The following LMNA variants were observed in gnomAD, a reference collection of about 807,000 sequenced individuals.
LMNA encodes the protein lamin A/C.
LMNA carries 20 observed loss-of-function variants against 70.4 expected under a neutral mutation model. The ratio of observed to expected loss-of-function variants is 0.28; its 90% CI spans 0.20 to 0.41. The LOEUF (loss-of-function observed/expected upper bound fraction) is 0.41, where lower values mean the gene tolerates loss of function less well. LMNA is among the 10% of genes least tolerant of loss of function. The probability of loss-of-function intolerance (pLI) is 1.00; values close to 1 mark genes in which losing one functional copy is unlikely to be tolerated. For missense variants in LMNA, 652 were observed against 917.2 expected (o/e 0.71, Z 3.73); for synonymous variants, 339 against 372.8 (o/e 0.91, Z 1.04).
rs879253920 is a variant in LMNA at position 156,134,973 on chromosome 1, A to C, written c.808A>C (p.Lys270Gln). The change falls in exon 4 of 12, where the codon AAG becomes CAG. Residue 270 changes from lysine to glutamine, a missense_variant and splice_region_variant. Transcript: ENST00000368300. The surrounding 1 kb of genome is among the most constrained non-coding windows in gnomAD (Gnocchi z 5.3). ...GGAGCTGGAGAAGACTTATTCTGCC[A>C]AGGTGCTTGCTCTCGATTGGTTCCC... Reference protein sequence around the residue: ...KKELEKTYSAKLDNARQSAER... With the variant: ...KKELEKTYSAQLDNARQSAER... The C allele has an allele frequency of 1.2e-6, 2 of 1,614,164 alleles. No homozygotes were observed. Among genetic ancestry groups the C allele is most frequent in the Middle Eastern group, 3.3e-4 (2 of 6,054 alleles).
chr1:156,117,662 G>A (rs1159679927), intron 1 of LMNA, among the ~76,000 whole-genome samples: 2 of 152,184 alleles, frequency 1.3e-5, no homozygotes, highest in Non-Finnish European at 2.9e-5. Flanking sequence ...CTGAGTAGCT[G>A]GGACCACAGG....
In LMNA at chr1:156,103,694, C is replaced by A. The variant is rs1218852813; in HGVS notation, c.-206-11019C>A. ...CCAGTTTCTGACTAATCCTTTCCAT[C>A]GGCAGTGGCATGTCCTGCCCCTGCT... is the stretch of plus-strand genomic sequence containing the variant. On this transcript the variant is annotated intron_variant, in intron 3 of 12. Transcript: ENST00000368301. This position sits in a 1 kb window ranked among gnomAD's most constrained non-coding sequence, Gnocchi z 4.7. Among the ~76,000 whole-genome samples the A allele has an allele frequency of 6.6e-6, 1 of 152,166 alleles. No homozygotes were observed. The highest frequency in any genetic ancestry group is 2.4e-5 in the African/African-American group (1 of 41,416).
Position 156,136,189 on chromosome 1 carries a change from C to T in LMNA, c.1158-25C>T, listed in dbSNP as rs754257036. ...GGCCGGCAACTGGCCTTGACTAGACCCCCACTTGGTCTCCCTCTCCCCAGG... is the reference window on the plus strand; with the variant it reads ...GGCCGGCAACTGGCCTTGACTAGACTCCCACTTGGTCTCCCTCTCCCCAGG... On this transcript the variant is annotated intron_variant, in intron 6 of 11. Transcript: ENST00000368300. The surrounding 1 kb of genome is among the most constrained non-coding windows in gnomAD (Gnocchi z 6.1). 3 of 1,612,624 alleles carry T rather than the reference C, an allele frequency of 1.9e-6. No homozygotes were observed. Among genetic ancestry groups the T allele is most frequent in the South Asian group, 2.2e-5 (2 of 91,060 alleles).
rs1269630324 is a variant in LMNA at position 156,138,435 on chromosome 1, G to C, written c.1699-53G>C. The C allele has an allele frequency of 3.8e-6, 6 of 1,588,280 alleles. No homozygotes were observed. The highest frequency in any genetic ancestry group is 5.1e-6 in the Non-Finnish European group (6 of 1,168,518). ...AGGAGCCTGGAGCCTGGTTGGGCCT[G>C]AGTGGTCAGTCCCAGACTCGCCGTC... On this transcript the variant is annotated intron_variant, in intron 10 of 11. Transcript: ENST00000368300. The surrounding 1 kb of genome is among the most constrained non-coding windows in gnomAD (Gnocchi z 5.5).
Position 156,136,360 on chromosome 1 carries a change from G to A in LMNA, c.1304G>A (p.Arg435His), listed in dbSNP as rs1263919141. 3 of 1,611,954 alleles carry A rather than the reference G, an allele frequency of 1.9e-6. No individual in the cohort carries two copies. Among genetic ancestry groups the A allele is most frequent in the East Asian group, 2.2e-5 (1 of 44,898 alleles). The change falls in exon 7 of 12, where the codon CGC becomes CAC. Residue 435 changes from arginine to histidine, a missense_variant. Transcript: ENST00000368300. The surrounding 1 kb of genome is among the most constrained non-coding windows in gnomAD (Gnocchi z 6.1). ...ESRSSFSQHA[R>H]TSGRVAVEEV... ...CGCAGCAGCTTCTCACAGCACGCAC[G>A]CACTAGCGGGCGCGTGGCCGTGGAG...
intron 2 of LMNA, among the ~76,000 whole-genome samples, chr1:156,085,401 C>G (rs987959874): frequency 2.0e-5 from 3 of 152,170 alleles, no homozygotes; most frequent in African/African-American, 7.2e-5. Flanking sequence ...CCCTGCTTGC[C>G]TGATCCAGAA....
At chr1:156,113,853 C>T (rs1649631359), upstream of LMNA, among the ~76,000 whole-genome samples, 1 of 151,940 alleles carries the variant, frequency 6.6e-6, no homozygotes. Flanking sequence ...TGACTGGGTG[C>T]GGTAAGCAGT....
rs1651517746 is a variant in LMNA at position 156,135,816 on chromosome 1, AG to A, written c.937-83del. The A allele has an allele frequency of 7.4e-6, 8 of 1,087,272 alleles. No homozygotes were observed. The highest frequency in any genetic ancestry group is 1.1e-5 in the Non-Finnish European group (8 of 728,344). 67.4% of individuals were successfully genotyped at this position (1,087,272 alleles called of 1,614,324 possible). On this transcript the variant is annotated intron_variant, in intron 5 of 11. Transcript: ENST00000368300. The surrounding 1 kb of genome is among the most constrained non-coding windows in gnomAD (Gnocchi z 4.8). The stretch of plus-strand genomic sequence containing the variant: ...ATTGCAGATCCTGGAGAGAGTAGCC[AG>A]GTGTCTCCTACACCGACCCACGTCC...
At chr1:156,129,505 C>A (rs79805010) in intron 1 of LMNA, among the ~76,000 whole-genome samples, 1 of 152,130 alleles carries the variant, frequency 6.6e-6, no homozygotes, top group Non-Finnish European at 1.5e-5. Context: ...CTTCTGCCCA[C>A]GCTTGGTTTT....
chr1:156,098,189 T>C (rs1649011833), intron 3 of LMNA, among the ~76,000 whole-genome samples: 1 of 152,188 alleles, frequency 6.6e-6, no homozygotes, highest in African/African-American at 2.4e-5. Flanking sequence ...TCCCTTGTAG[T>C]AGAAGGGATG....
chr1:156,107,815 CT>C (rs1033718407), intron 3 of LMNA, among the ~76,000 whole-genome samples: 2 of 145,842 alleles, frequency 1.4e-5, no homozygotes, highest in Non-Finnish European at 3.0e-5. Context: ...TCTTTTTTTT[CT>C]TTTTTTTTGA....
Position 156,134,904 on chromosome 1 carries a change from G to A in LMNA, c.739G>A (p.Glu247Lys), listed in dbSNP as rs727504373. The A allele has an allele frequency of 6.2e-6, 10 of 1,614,226 alleles. No homozygotes were observed. The highest frequency in any genetic ancestry group is 8.5e-6 in the Non-Finnish European group (10 of 1,180,040). The change falls in exon 4 of 12, where the codon GAA becomes AAA. Residue 247 changes from glutamate to lysine, a missense_variant. Glu to Lys is a moderately conservative substitution (Grantham distance 56, BLOSUM62 1). Coordinates refer to ENST00000368300, the MANE Select transcript of LMNA (RefSeq NM_170707.4). This position sits in a 1 kb window ranked among gnomAD's most constrained non-coding sequence, Gnocchi z 5.3. ...GAGCCGGCTGGCGGATGCGCTGCAGGAACTGCGGGCCCAGCATGAGGACCA... is the reference window on the plus strand; with the variant it reads ...GAGCCGGCTGGCGGATGCGCTGCAGAAACTGCGGGCCCAGCATGAGGACCA... Reference protein sequence around the residue: ...FESRLADALQELRAQHEDQVE... With the variant: ...FESRLADALQKLRAQHEDQVE...
At position 156,103,402 on chromosome 1, in the gene LMNA, C is replaced by T. The variant is rs1003413485; in HGVS notation, c.-206-11311C>T. ...CAGTATGCCCCTCTTGTGTGCTGGGCCCTCGCACTTCCTCTGTCTGGGACT... is the reference window on the plus strand; with the variant it reads ...CAGTATGCCCCTCTTGTGTGCTGGGTCCTCGCACTTCCTCTGTCTGGGACT... On this transcript the variant is annotated intron_variant, in intron 3 of 12. Transcript: ENST00000368301. The surrounding 1 kb of genome is among the most constrained non-coding windows in gnomAD (Gnocchi z 4.7). 1.3e-5 allele frequency among the ~76,000 whole-genome samples: 2 copies of T among 152,098 alleles called. No homozygotes were observed. The highest frequency in any genetic ancestry group is 4.1e-4 in the South Asian group (2 of 4,834).
intron 3 of LMNA, among the ~76,000 whole-genome samples, chr1:156,094,769 T>C (rs1376743979): frequency 6.6e-6 from 1 of 151,854 alleles, no homozygotes; most frequent in African/African-American, 2.4e-5. Context: ...CCTAGTGCTT[T>C]CTTTTTTTTT....
At chr1:156,112,068 G>A (rs1649560476), upstream of LMNA, among the ~76,000 whole-genome samples, 1 of 152,196 alleles carries the variant, frequency 6.6e-6, no homozygotes, top group Non-Finnish European at 1.5e-5. Context: ...GAAAGAGCTT[G>A]GAGTGAAATT....
upstream of LMNA, among the ~76,000 whole-genome samples, chr1:156,111,306 G>A (rs1299228951): frequency 1.6e-4 from 24 of 152,018 alleles, no homozygotes; most frequent in African/African-American, 3.6e-4. Context: ...AAAATTAGCC[G>A]GGCGTGGTGG....
At chr1:156,121,138 C>T (rs889375274) in intron 1 of LMNA, among the ~76,000 whole-genome samples, 1 of 151,078 alleles carries the variant, frequency 6.6e-6, no homozygotes, top group Non-Finnish European at 1.5e-5. Flanking sequence ...CAATCTCCAC[C>T]TCCCAGGCTC....
upstream of LMNA, among the ~76,000 whole-genome samples, chr1:156,113,222 T>A (rs1649604112): frequency 6.6e-6 from 1 of 152,058 alleles, no homozygotes; most frequent in Non-Finnish European, 1.5e-5. Context: ...GAGAATCTCT[T>A]GAACCCGGGA....
At chr1:156,105,239 C>G (rs192766698) in intron 3 of LMNA, among the ~76,000 whole-genome samples, 1 of 152,288 alleles carries the variant, frequency 6.6e-6, no homozygotes, top group East Asian at 1.9e-4. Flanking sequence ...ACAGGGGAAT[C>G]TGGGGAGTTG....
Sources: allele counts gnomAD v4.1 joint callset (sites outside exome capture counted in the v4.1 genomes callset), GRCh38; gene constraint gnomAD v4.1.1; non-coding constraint Gnocchi (gnomAD v3.1); transcripts MANE v1.5; gene names NCBI Gene and HGNC (gene_info 2026-07-23, HGNC 2026-07-21).